The following KDM2B variants were observed in gnomAD, a reference collection of about 807,000 sequenced individuals.
The protein encoded by KDM2B is lysine-specific demethylase 2B.
KDM2B carries 26 observed loss-of-function variants against 150.0 expected under a neutral mutation model. That is an observed-to-expected ratio of 0.17 (90% CI 0.13 to 0.24). The LOEUF is 0.24. Ranked by LOEUF, KDM2B falls within the 10% of genes least tolerant of loss-of-function variation. The pLI is 1.00. For missense variants in KDM2B, 1,265 were observed against 1,816.9 expected, an observed-to-expected ratio of 0.70 and a Z score of 5.52; for synonymous variants, 734 against 729.5, an observed-to-expected ratio of 1.01 and a Z score of -0.10.
chr12:121,557,687 G>C (rs1176940768), intron 4 of KDM2B, among the ~76,000 whole-genome samples: 1 of 152,154 alleles, frequency 6.6e-6, no homozygotes, highest in Non-Finnish European at 1.5e-5. Context: ...GGAAGGACCT[G>C]CCCCTAGAGA....
At chr12:121,496,204 G>GT (rs1436772842) in intron 11 of KDM2B, among the ~76,000 whole-genome samples, 7 of 151,472 alleles carry the variant, frequency 4.6e-5, no homozygotes, top group African/African-American at 1.7e-4. Context: ...CCCACATAGG[G>GT]TTTTTTTTGG....
Position 121,442,060 on chromosome 12 carries a change from T to A in KDM2B, c.3284+97A>T. 9.8e-7 allele frequency: 1 copy of A among 1,019,672 alleles called. No individual in the cohort carries two copies. The highest frequency in any genetic ancestry group is 1.5e-6 in the Non-Finnish European group (1 of 666,314). The allele number at this position is 1,019,672 out of a possible 1,614,324, so 63.2% of individuals were successfully genotyped here. On this transcript the variant is annotated intron_variant, in intron 19 of 22. Coordinates refer to ENST00000377071, the MANE Select transcript of KDM2B (RefSeq NM_032590.5). This position sits in a 1 kb window ranked among gnomAD's most constrained non-coding sequence, Gnocchi z 7.7. Reference sequence around the variant, plus strand: ...AGCACAATGAAGCCATACTGGGGTTTGGAAGGAAAGAGCATCGCCAGCGAC... The same window carrying A: ...AGCACAATGAAGCCATACTGGGGTTAGGAAGGAAAGAGCATCGCCAGCGAC...
At chr12:121,466,788 C>T (rs1555294883) in intron 12 of KDM2B, among the ~76,000 whole-genome samples, 1 of 146,592 alleles carries the variant, frequency 6.8e-6, no homozygotes, top group Non-Finnish European at 1.5e-5. Flanking sequence ...CGCGCGTGGG[C>T]CGCGGGCGAG....
In KDM2B at chr12:121,444,520, C is replaced by G. The variant is rs782266037; in HGVS notation, c.2120G>C (p.Gly707Ala). The change falls in exon 15 of 23, where the codon GGT becomes GCT. Residue 707 changes from glycine (G) to alanine (A), a missense_variant. Physicochemically the swap from Gly to Ala is moderately conservative, Grantham distance 60 (BLOSUM62 0). Transcript: ENST00000377071. Reference sequence around the variant, plus strand: ...GTTTGGAAGCTCGTCGTTGACCACACCCTCTGACTCCTTAATCTGCGGGGA... The same window carrying G: ...GTTTGGAAGCTCGTCGTTGACCACAGCCTCTGACTCCTTAATCTGCGGGGA... The part of the protein sequence containing the change: ...PGCLKIKESE[G>A]VVNDELPNCW... 6.2e-7 allele frequency: 1 copy of G among 1,614,024 alleles called. No individual in the cohort carries two copies. Among genetic ancestry groups the G allele is most frequent in the African/African-American group, 1.3e-5 (1 of 74,928 alleles).
chr12:121,451,592 A>G (rs1555291646), intron 13 of KDM2B, among the ~76,000 whole-genome samples: 2 of 152,202 alleles, frequency 1.3e-5, no homozygotes, highest in South Asian at 4.1e-4. Flanking sequence ...AAAGCAATCC[A>G]TATGTCCATC....
the KDM2B span, among the ~76,000 whole-genome samples, chr12:121,415,613 T>TTAAA: frequency 6.6e-6 from 1 of 152,064 alleles, no homozygotes; most frequent in Non-Finnish European, 1.5e-5. Context: ...GACCCTGTTT[T>TTAAA]TAAATAAATA....
chr12:121,432,029 G>A (rs1189238614), intron 22 of KDM2B, among the ~76,000 whole-genome samples: 2 of 151,324 alleles, frequency 1.3e-5, no homozygotes, highest in African/African-American at 2.4e-5. Flanking sequence ...TACAGGTGCC[G>A]GCCACCACGC....
intron 6 of KDM2B, chr12:121,536,080 G>T (rs1036653980): frequency 5.1e-5 from 50 of 985,784 alleles, no homozygotes; most frequent in Non-Finnish European, 5.5e-5. Context: ...GAATGGGGCG[G>T]GGACGGACAG....
At chr12:121,434,420 C>T (rs149263414) in intron 22 of KDM2B, among the ~76,000 whole-genome samples, 7 of 148,296 alleles carry the variant, frequency 4.7e-5, no homozygotes, top group South Asian at 2.1e-4. Flanking sequence ...CACTTGAACC[C>T]GGGAGGTGGA....
chr12:121,489,155 G>T (rs1246677219), intron 12 of KDM2B, among the ~76,000 whole-genome samples: 1 of 152,080 alleles, frequency 6.6e-6, no homozygotes, highest in Non-Finnish European at 1.5e-5. Context: ...ATGTTGGCCA[G>T]GCTGGTCTTG....
At chr12:121,543,813 T>C (rs1345968844) in intron 6 of KDM2B, among the ~76,000 whole-genome samples, 4 of 147,828 alleles carry the variant, frequency 2.7e-5, no homozygotes, top group Non-Finnish European at 3.0e-5. Flanking sequence ...TGAGACTCCG[T>C]CTAAAAAACA....
rs782268884 is a variant in KDM2B at position 121,521,240 on chromosome 12, G to A, written c.932-140C>T. ...AGCAGCCAGGGCCTGGGGCAGCGGCGCCCAGCAATGCCTGCTGCACAACGC... is the reference window on the plus strand; with the variant it reads ...AGCAGCCAGGGCCTGGGGCAGCGGCACCCAGCAATGCCTGCTGCACAACGC... On this transcript the variant is annotated intron_variant, in intron 8 of 22. Transcript: ENST00000377071. This position sits in a 1 kb window ranked among gnomAD's most constrained non-coding sequence, Gnocchi z 4.9. The A allele has an allele frequency of 4.0e-5, 24 of 606,680 alleles. No individual in the cohort carries two copies. Among genetic ancestry groups the A allele is most frequent in the African/African-American group, 3.1e-4 (17 of 54,116 alleles). 37.6% of individuals were successfully genotyped at this position (606,680 alleles called of 1,614,324 possible).
At chr12:121,421,852 A>G in the KDM2B span, among the ~76,000 whole-genome samples, 1 of 152,174 alleles carries the variant, frequency 6.6e-6, no homozygotes, top group Non-Finnish European at 1.5e-5. Context: ...CCCTCCCATC[A>G]TTAACTTTTA....
chr12:121,430,670 G>A lies in KDM2B; in HGVS notation c.3830-201C>T, dbSNP rs1872851757. The stretch of plus-strand genomic sequence containing the variant: ...AGGGTCTCACCCGCCAGGTATAAAG[G>A]TTAATATATGCCTCAAAAGCATTCA... On this transcript the variant is annotated intron_variant, in intron 22 of 22. Coordinates refer to ENST00000377071, the MANE Select transcript of KDM2B (RefSeq NM_032590.5). The surrounding 1 kb of genome is among the most constrained non-coding windows in gnomAD (Gnocchi z 4.4). 5.1e-6 allele frequency: 3 copies of A among 589,400 alleles called. No homozygotes were observed. The highest frequency in any genetic ancestry group is 9.0e-6 in the Non-Finnish European group (3 of 331,512). The allele number at this position is 589,400 out of a possible 1,614,324, so 36.5% of individuals were successfully genotyped here.
chr12:121,443,961 C>T (rs372476959), intron 16 of KDM2B, 51 bp downstream of exon 16: 51 of 1,563,084 alleles, frequency 3.3e-5, no homozygotes, highest in African/African-American at 8.1e-5. Context: ...ACCCAGCACC[C>T]GGGACCAGCC....
At chr12:121,491,517 G>A (rs1566332319) in intron 12 of KDM2B, among the ~76,000 whole-genome samples, 1 of 152,080 alleles carries the variant, frequency 6.6e-6, no homozygotes, top group Admixed American at 6.6e-5. Context: ...TTATGACCGG[G>A]CATGGTGGCT....
intron 7 of KDM2B, among the ~76,000 whole-genome samples, chr12:121,534,048 T>C (rs962554502): frequency 6.6e-6 from 1 of 150,748 alleles, no homozygotes; most frequent in Non-Finnish European, 1.5e-5. Flanking sequence ...TCTTAAAAAA[T>C]AATAATTTTT....
chr12:121,492,361 GCAGTGGCGC>G (rs1555300095), intron 12 of KDM2B, among the ~76,000 whole-genome samples: 1 of 152,044 alleles, frequency 6.6e-6, no homozygotes, highest in African/African-American at 2.4e-5. Flanking sequence ...AGGCTGAAGT[GCAGTGGCGC>G]CATCTCAGCT....
intron 12 of KDM2B, among the ~76,000 whole-genome samples, chr12:121,465,062 C>T (rs1555294502): frequency 6.6e-6 from 1 of 151,962 alleles, no homozygotes; most frequent in East Asian, 1.9e-4. Flanking sequence ...GCTTAGATGT[C>T]GTCTCCCTCA....
Sources: allele counts gnomAD v4.1 joint callset (sites outside exome capture counted in the v4.1 genomes callset), GRCh38; gene constraint gnomAD v4.1.1; non-coding constraint Gnocchi (gnomAD v3.1); transcripts MANE v1.5; gene names NCBI Gene and HGNC (gene_info 2026-07-23, HGNC 2026-07-21).